The following MYRIP variants were observed in gnomAD, a reference collection of about 807,000 sequenced individuals.
The protein encoded by MYRIP is rab effector MyRIP.
MYRIP carries 49 observed loss-of-function variants against 98.0 expected under a neutral mutation model. The ratio of observed to expected loss-of-function variants is 0.50; its 90% CI spans 0.40 to 0.63. The LOEUF (loss-of-function observed/expected upper bound fraction) is 0.63, where lower values mean the gene tolerates loss of function less well. Among genes scored for constraint, MYRIP ranks in the 30% least tolerant of loss-of-function variants. The pLI, the probability that MYRIP is intolerant of heterozygous loss-of-function variation, is 0.00. For missense variants in MYRIP, 1,004 were observed against 1,058.2 expected (o/e 0.95, Z 0.71); for synonymous variants, 404 against 409.5 (o/e 0.99, Z 0.16).
At chr3:40,008,304 G>A (rs537848316) in intron 2 of MYRIP, among the ~76,000 whole-genome samples, 33 of 152,256 alleles carry the variant, frequency 2.2e-4, no homozygotes, top group African/African-American at 7.5e-4. Context: ...ATTTCAATAA[G>A]CTATGTATTT....
chr3:40,049,015 CA>C (rs1182157408), intron 3 of MYRIP, among the ~76,000 whole-genome samples: 17 of 152,092 alleles, frequency 1.1e-4, no homozygotes, highest in Non-Finnish European at 1.8e-4. Context: ...CTTCAGGAAG[CA>C]AAACTTTTCA....
intron 16 of MYRIP, among the ~76,000 whole-genome samples, chr3:40,256,918 C>T (rs1335036584): frequency 3.3e-5 from 5 of 152,064 alleles, no homozygotes; most frequent in African/African-American, 4.8e-5. Flanking sequence ...GTTCTGTGCC[C>T]ATCACACACA....
At chr3:40,184,986 C>T (rs1286137504) in intron 9 of MYRIP, among the ~76,000 whole-genome samples, 1 of 152,208 alleles carries the variant, frequency 6.6e-6, no homozygotes, top group East Asian at 1.9e-4. Context: ...CTAAACTGTC[C>T]ATGCCAGCCT....
At chr3:39,866,134 G>A (rs1023087124) in intron 1 of MYRIP, among the ~76,000 whole-genome samples, 7 of 151,972 alleles carry the variant, frequency 4.6e-5, no homozygotes, top group African/African-American at 1.7e-4. Context: ...GAGTACATAT[G>A]GACACAAAGA....
In MYRIP at chr3:39,859,347, C is replaced by G. The variant is rs146657826; in HGVS notation, c.-30-41440C>G. Among the ~76,000 whole-genome samples, 37 of 152,242 alleles carry G rather than the reference C, an allele frequency of 2.4e-4. No individual in the cohort carries two copies. The East Asian group carries it at 7.1e-3, about 29-fold the overall frequency. ...ATTATGAAAAATGACAAAATCTGAACAGACCAATAATGAATAAGGAGATTG... is the reference window on the plus strand; with the variant it reads ...ATTATGAAAAATGACAAAATCTGAAGAGACCAATAATGAATAAGGAGATTG... On this transcript the variant is annotated intron_variant, in intron 1 of 16. Transcript: ENST00000302541.
rs780960761 is a variant in MYRIP at position 40,244,573 on chromosome 3, C to T, written c.2228C>T (p.Thr743Met). ...GCGGATCTGGAGGACCAGGTGGCCA[C>T]GGCTGCAGCCCAAGTCCACCATGCT... is the stretch of plus-strand genomic sequence containing the variant. ...HLADLEDQVA[T>M]AAAQVHHAEL... Residue 743 changes from threonine to methionine, a missense_variant, in exon 13 of 17, where the codon ACG becomes ATG. Physicochemically the swap from Thr to Met is moderately conservative, Grantham distance 81 (BLOSUM62 -1). Transcript: ENST00000302541. 1.8e-5 allele frequency: 29 copies of T among 1,613,656 alleles called. No individual in the cohort carries two copies. Among genetic ancestry groups the T allele is most frequent in the Admixed American group, 3.3e-5 (2 of 59,984 alleles).
chr3:40,182,083 A>T, intron 8 of MYRIP, 137 bp from the exon 9 acceptor site: 1 of 933,950 alleles, frequency 1.1e-6, no homozygotes, highest in Non-Finnish European at 1.5e-6. Flanking sequence ...GCAGCTTTTA[A>T]GGCTCACGTG....
At chr3:40,092,849 C>A (rs1948754832) in intron 3 of MYRIP, among the ~76,000 whole-genome samples, 1 of 152,208 alleles carries the variant, frequency 6.6e-6, no homozygotes, top group South Asian at 2.1e-4. Flanking sequence ...GTTACCACCA[C>A]CAGCTTCTAG....
At chr3:39,967,577 A>C (rs962635877) in intron 2 of MYRIP, among the ~76,000 whole-genome samples, 3 of 152,122 alleles carry the variant, frequency 2.0e-5, no homozygotes, top group African/African-American at 7.2e-5. Context: ...TAGATGATTT[A>C]TATTCCTCTG....
At chr3:40,024,174 C>T (rs780921087) in intron 2 of MYRIP, among the ~76,000 whole-genome samples, 27 of 152,304 alleles carry the variant, frequency 1.8e-4, no homozygotes, top group Admixed American at 7.8e-4. Context: ...TCATCCCTCA[C>T]ATCTCCACTT....
chr3:40,251,743 T>C, intron 15 of MYRIP, 138 bp from the exon 16 acceptor site: 5 of 622,282 alleles, frequency 8.0e-6, no homozygotes, highest in Middle Eastern at 3.8e-4. Context: ...AAAGATCCCA[T>C]AGTCAATCAA....
intron 2 of MYRIP, among the ~76,000 whole-genome samples, chr3:39,940,842 G>T (rs1944765903): frequency 6.6e-6 from 1 of 152,044 alleles, no homozygotes; most frequent in African/African-American, 2.4e-5. Flanking sequence ...CTAGGAAAAG[G>T]ACATAGAAGT....
At chr3:40,166,159 T>C (rs1950494909) in intron 5 of MYRIP, among the ~76,000 whole-genome samples, 1 of 152,184 alleles carries the variant, frequency 6.6e-6, no homozygotes, top group Non-Finnish European at 1.5e-5. Context: ...AATTATACCA[T>C]AGAGTTTATA....
intron 1 of MYRIP, among the ~76,000 whole-genome samples, chr3:39,826,131 TTTG>T (rs1941257083): frequency 6.6e-6 from 1 of 151,998 alleles, no homozygotes; most frequent in African/African-American, 2.4e-5. Flanking sequence ...AAAACAATTT[TTTG>T]TTATCTATTG....
intron 8 of MYRIP, chr3:40,173,436 C>T (rs949806230): frequency 6.6e-6 from 1 of 152,210 alleles, no homozygotes; most frequent in Non-Finnish European, 1.5e-5. Context: ...GTCCCTCCCA[C>T]CTCCTAGAGA....
At chr3:39,984,439 A>C (rs1387476390) in intron 2 of MYRIP, among the ~76,000 whole-genome samples, 1 of 149,526 alleles carries the variant, frequency 6.7e-6, no homozygotes, top group Admixed American at 6.7e-5. Flanking sequence ...ATGTGTTCTC[A>C]TTGTTCAATT....
intron 3 of MYRIP, among the ~76,000 whole-genome samples, chr3:40,103,334 T>C (rs111906388): frequency 6.6e-6 from 1 of 152,218 alleles, no homozygotes; most frequent in Non-Finnish European, 1.5e-5. Flanking sequence ...AGAACTCTCA[T>C]ACATACTCTT....
At chr3:40,176,504 C>T (rs1180593718) in intron 8 of MYRIP, among the ~76,000 whole-genome samples, 1 of 152,146 alleles carries the variant, frequency 6.6e-6, no homozygotes, top group Non-Finnish European at 1.5e-5. Context: ...AATCCTAGCA[C>T]TTTGGGAGGC....
intron 13 of MYRIP, among the ~76,000 whole-genome samples, chr3:40,245,877 G>C (rs1168514115): frequency 6.7e-6 from 1 of 148,846 alleles, no homozygotes; most frequent in Non-Finnish European, 1.5e-5. Context: ...CTCCTGAGTA[G>C]CTGGGATTAC....
Sources: gnomAD v4.1 joint callset for allele counts (sites outside exome capture counted in the v4.1 genomes callset) on GRCh38, gnomAD v4.1.1 for gene constraint, MANE v1.5 for transcripts, NCBI Gene and HGNC (gene_info 2026-07-23, HGNC 2026-07-21) for gene names.